Variants in VPS37A observed in about 807,000 individuals in gnomAD.
VPS37A encodes vacuolar protein sorting-associated protein 37A.
In VPS37A, 30 loss-of-function variants were observed where a neutral mutation model predicts 49.8. That is an observed-to-expected ratio of 0.60 (90% confidence interval 0.45 to 0.82). VPS37A has a LOEUF of 0.82. VPS37A is among the 40% of genes least tolerant of loss of function. The pLI is 0.00. For synonymous variants in VPS37A, 195 were observed against 160.6 expected (o/e 1.21, Z -1.62); for missense variants, 593 against 464.4 (o/e 1.28, Z -2.55).
At chr8:17,272,131 C>G in intron 4 of VPS37A, 2 of 455,554 alleles carry the variant, frequency 4.4e-6, no homozygotes, top group Non-Finnish European at 8.8e-6. Context: ...ATAAAAAGTT[C>G]TCCTTCCGGT....
chr8:17,247,408 G>A lies in VPS37A; in HGVS notation c.125+39G>A, dbSNP rs571049593. On this transcript the variant is annotated intron_variant, in intron 1 of 11. Coordinates refer to ENST00000324849, the MANE Select transcript of VPS37A (RefSeq NM_152415.3). Reference sequence around the variant, plus strand: ...GCCTCTCCACCGGAGGAAAAAGTAGGGTGGGAGGGCGGGCTTGTCCTAACC... The same window carrying A: ...GCCTCTCCACCGGAGGAAAAAGTAGAGTGGGAGGGCGGGCTTGTCCTAACC... The A allele has an allele frequency of 5.2e-6, 8 of 1,525,826 alleles. 1 individual carries two copies. The South Asian group carries it at 6.1e-5, about 12-fold the overall frequency. The allele number at this position is 1,525,826 out of a possible 1,614,324, so 94.5% of individuals were successfully genotyped here. A position where few individuals can be genotyped will look rare whatever the true frequency, so the allele number is the denominator to read the frequency against.
In VPS37A at chr8:17,278,749, A is replaced by G. The variant is rs575397970; in HGVS notation, c.714-1279A>G. 4.9e-4 allele frequency among the ~76,000 whole-genome samples: 75 copies of G among 152,108 alleles called. No individual in the cohort carries two copies. The South Asian group carries it at 0.015, about 30-fold the overall frequency. On this transcript the variant is annotated intron_variant, in intron 6 of 11. Transcript: ENST00000324849. ...TTTAGGATATGACATGCCAGAATAT[A>G]CTGTTGTTTTTTTAATCTCTCCAAA...
the VPS37A span, among the ~76,000 whole-genome samples, chr8:17,331,960 T>C: frequency 7.7e-4 from 117 of 152,332 alleles, 1 homozygote; most frequent in African/African-American, 2.7e-3. Flanking sequence ...AAGTGCAAAC[T>C]AGGTTAAGTC....
chr8:17,284,185 A>G (rs1440227727), intron 9 of VPS37A, among the ~76,000 whole-genome samples: 2 of 152,198 alleles, frequency 1.3e-5, no homozygotes, highest in Non-Finnish European at 2.9e-5. Context: ...GCATATATCT[A>G]CCACAGTGAT....
chr8:17,289,549 A>C (rs1815943238), intron 11 of VPS37A, among the ~76,000 whole-genome samples: 1 of 151,896 alleles, frequency 6.6e-6, no homozygotes. Flanking sequence ...GTTCTGTTCC[A>C]TTGGTCTGTA....
chr8:17,287,113 T>C (rs1017469807), intron 11 of VPS37A, among the ~76,000 whole-genome samples: 2 of 152,226 alleles, frequency 1.3e-5, no homozygotes, highest in Non-Finnish European at 2.9e-5. Context: ...GCCGTGCTTG[T>C]ACCTGATGTT....
intron 10 of VPS37A, 35 bp downstream of exon 10, chr8:17,284,651 G>T (rs2150411372): frequency 6.5e-7 from 1 of 1,550,082 alleles, no homozygotes; most frequent in East Asian, 2.5e-5. Flanking sequence ...ACAAGTATTG[G>T]ATAAAGTTTG....
intron 11 of VPS37A, among the ~76,000 whole-genome samples, chr8:17,286,829 C>T (rs1358964455): frequency 6.6e-6 from 1 of 152,148 alleles, no homozygotes; most frequent in African/African-American, 2.4e-5. Flanking sequence ...CACGATTACT[C>T]TAATAATTCA....
At chr8:17,271,593 A>G (rs139787116) in intron 4 of VPS37A, among the ~76,000 whole-genome samples, 2,161 of 152,088 alleles carry the variant, frequency 0.014, 35 homozygotes, top group Middle Eastern at 0.041. Flanking sequence ...GTGACAGAGC[A>G]AGACTCCGTC....
intron 9 of VPS37A, among the ~76,000 whole-genome samples, chr8:17,283,776 T>G (rs908518293): frequency 6.6e-6 from 1 of 152,196 alleles, no homozygotes; most frequent in Non-Finnish European, 1.5e-5. Flanking sequence ...TGAGGAAATA[T>G]TAATCATCTT....
At chr8:17,294,027 T>C (rs1816383255) in intron 11 of VPS37A, among the ~76,000 whole-genome samples, 1 of 152,124 alleles carries the variant, frequency 6.6e-6, no homozygotes, top group African/African-American at 2.4e-5. Flanking sequence ...GCAGGAACGT[T>C]TAAGTGTGTG....
chr8:17,271,170 C>T (rs891164636), intron 4 of VPS37A, among the ~76,000 whole-genome samples: 2 of 152,162 alleles, frequency 1.3e-5, no homozygotes, highest in African/African-American at 4.8e-5. Flanking sequence ...TAATTCCTTT[C>T]TGTAAAATGT....
chr8:17,333,429 ATAAAAT>A, the VPS37A span, among the ~76,000 whole-genome samples: 1 of 151,264 alleles, frequency 6.6e-6, no homozygotes. Context: ...AGCATCATAA[ATAAAAT>A]TAATAGGAGA....
At chr8:17,303,279 C>T (rs1347133199), downstream of VPS37A, among the ~76,000 whole-genome samples, 1 of 152,072 alleles carries the variant, frequency 6.6e-6, no homozygotes, top group East Asian at 1.9e-4. Flanking sequence ...GTCTTACATG[C>T]ACTATGGAGG....
At chr8:17,326,862 C>T in the VPS37A span, among the ~76,000 whole-genome samples, 1 of 152,198 alleles carries the variant, frequency 6.6e-6, no homozygotes, top group Non-Finnish European at 1.5e-5. Flanking sequence ...TCCTGCCCTA[C>T]AGAAACCATG....
chr8:17,286,238 A>G, intron 10 of VPS37A, 109 bp from the exon 11 acceptor site: 1 of 836,622 alleles, frequency 1.2e-6, no homozygotes, highest in Non-Finnish European at 1.9e-6. Flanking sequence ...AACATTCAAA[A>G]CATAAAATAA....
Position 17,286,343 on chromosome 8 carries a change from C to G in VPS37A, c.1114-4C>G. The G allele has an allele frequency of 6.2e-7, 1 of 1,611,770 alleles. No individual in the cohort carries two copies. Among genetic ancestry groups the G allele is most frequent in the Non-Finnish European group, 8.5e-7 (1 of 1,179,002 alleles). ...ACTGGTATTTTCAAAAATTTATTTT[C>G]TAGATTTGCCACTGTAGAAGAGCCA... On this transcript the variant is annotated splice_region_variant and splice_polypyrimidine_tract_variant and intron_variant, in intron 10 of 11. Transcript: ENST00000324849.
chr8:17,247,358 C>T lies in VPS37A; in HGVS notation c.114C>T (p.Asn38=). Residue 38 remains asparagine, a synonymous_variant, in exon 1 of 12, where the codon AAC becomes AAT. Transcript: ENST00000324849. ...AGCGCCTGATCGAGTCCCTCCGGAA[C>T]TCACACTCCAGGTGACTGGTCGCTG... is the stretch of plus-strand genomic sequence containing the variant. The part of the protein sequence containing the change: ...QKQRLIESLR[N]SHSSIAEIQK... 3 of 1,517,800 alleles carry T rather than the reference C, an allele frequency of 2.0e-6. No individual in the cohort carries two copies. Among genetic ancestry groups the T allele is most frequent in the Non-Finnish European group, 2.7e-6 (3 of 1,126,592 alleles). 94.0% of individuals were successfully genotyped at this position (1,517,800 alleles called of 1,614,324 possible).
intron 1 of VPS37A, among the ~76,000 whole-genome samples, chr8:17,265,098 A>G (rs549574104): frequency 6.6e-5 from 10 of 152,194 alleles, no homozygotes; most frequent in Non-Finnish European, 1.3e-4. Flanking sequence ...TCAAGGACCC[A>G]AGCTACTTCT....
Sources: gnomAD v4.1 joint callset for allele counts (sites outside exome capture counted in the v4.1 genomes callset) on GRCh38, gnomAD v4.1.1 for gene constraint, MANE v1.5 for transcripts, NCBI Gene and HGNC (gene_info 2026-07-23, HGNC 2026-07-21) for gene names.